Variants in MLIP observed in about 807,000 individuals in gnomAD.
MLIP encodes the protein muscular LMNA interacting protein.
A neutral mutation model predicts 84.8 loss-of-function variants in MLIP; 79 were observed. That is an observed-to-expected ratio of 0.93 (90% confidence interval 0.78 to 1.12). The LOEUF (loss-of-function observed/expected upper bound fraction) is 1.12, where lower values mean the gene tolerates loss of function less well. Among genes scored for constraint, MLIP ranks in the 50% most tolerant of loss-of-function variants. The pLI, the probability that MLIP is intolerant of heterozygous loss-of-function variation, is 0.00. For synonymous variants in MLIP, 504 were observed against 463.0 expected (o/e 1.09, Z -1.14); for missense variants, 1,257 against 1,160.6 (o/e 1.08, Z -1.21).
At chr6:54,023,170 AAATAAT>A (rs3064622) in intron 1 of MLIP, among the ~76,000 whole-genome samples, 5 of 103,080 alleles carry the variant, frequency 4.9e-5, no homozygotes, top group East Asian at 2.1e-4. Flanking sequence ...CCATCTCAAA[AAATAAT>A]AATAATAATA....
At chr6:54,251,967 T>A (rs1462630328) in intron 12 of MLIP, among the ~76,000 whole-genome samples, 1 of 75,374 alleles carries the variant, frequency 1.3e-5, no homozygotes, top group Non-Finnish European at 2.1e-5. Context: ...ATATATATAT[T>A]ATAACATAAT....
intron 1 of MLIP, among the ~76,000 whole-genome samples, chr6:54,033,200 C>T (rs1314076342): frequency 6.6e-6 from 1 of 151,860 alleles, no homozygotes; most frequent in Non-Finnish European, 1.5e-5. Flanking sequence ...AGGTAAAGTA[C>T]TTTGCGATCA....
At chr6:54,126,630 A>AATAAGATG (rs1770941326) in intron 3 of MLIP, among the ~76,000 whole-genome samples, 1 of 152,228 alleles carries the variant, frequency 6.6e-6, no homozygotes, top group Admixed American at 6.5e-5. Context: ...ATGAAATAAA[A>AATAAGATG]ATAAGATGAC....
chr6:54,117,984 A>G (rs1362393203), intron 1 of MLIP, among the ~76,000 whole-genome samples: 2 of 152,020 alleles, frequency 1.3e-5, no homozygotes, highest in Non-Finnish European at 2.9e-5. Flanking sequence ...AACAACAACA[A>G]CAACAACAAC....
chr6:54,226,745 T>C (rs1780602401), intron 11 of MLIP, among the ~76,000 whole-genome samples: 1 of 152,010 alleles, frequency 6.6e-6, no homozygotes, highest in South Asian at 2.1e-4. Flanking sequence ...AGTGCCTCTA[T>C]AAAATCGGAA....
chr6:54,193,035 A>G (rs1433327979), intron 10 of MLIP, among the ~76,000 whole-genome samples: 1 of 152,136 alleles, frequency 6.6e-6, no homozygotes, highest in Non-Finnish European at 1.5e-5. Context: ...TTTTATTGCA[A>G]GTGTGCCAAT....
chr6:54,174,568 A>T (rs941670212), intron 9 of MLIP, among the ~76,000 whole-genome samples: 3 of 151,842 alleles, frequency 2.0e-5, no homozygotes, highest in Non-Finnish European at 2.9e-5. Context: ...TATCTATTGA[A>T]ATCTTTTGCC....
At chr6:54,210,067 G>A (rs2150738256) in intron 11 of MLIP, among the ~76,000 whole-genome samples, 1 of 152,256 alleles carries the variant, frequency 6.6e-6, no homozygotes, top group South Asian at 2.1e-4. Context: ...GTGTCAGGAA[G>A]AAATTAATTT....
intron 11 of MLIP, chr6:54,216,818 T>C (rs72964036): frequency 5.1e-6 from 5 of 985,202 alleles, no homozygotes; most frequent in Admixed American, 6.1e-5. Context: ...ATTGGCTTTA[T>C]CTTAGTGAAA....
intron 1 of MLIP, among the ~76,000 whole-genome samples, chr6:54,050,813 AG>A (rs1419901952): frequency 1.3e-5 from 2 of 152,162 alleles, no homozygotes; most frequent in African/African-American, 4.8e-5. Context: ...GAATTCTGAA[AG>A]GCTATTAAAG....
At chr6:54,105,883 T>C (rs1056638591) in intron 1 of MLIP, among the ~76,000 whole-genome samples, 1 of 152,064 alleles carries the variant, frequency 6.6e-6, no homozygotes, top group African/African-American at 2.4e-5. Flanking sequence ...AGGTGTAAGA[T>C]CATTGGGCTA....
intron 3 of MLIP, among the ~76,000 whole-genome samples, chr6:54,125,792 G>A (rs1203698712): frequency 6.6e-6 from 1 of 152,080 alleles, no homozygotes; most frequent in Non-Finnish European, 1.5e-5. Context: ...ACCCAAAGTA[G>A]TTTAAAGGAC....
chr6:54,144,805 A>G (rs1772635466), intron 4 of MLIP, among the ~76,000 whole-genome samples: 1 of 152,314 alleles, frequency 6.6e-6, no homozygotes, highest in Admixed American at 6.5e-5. Flanking sequence ...TTGTGACCTC[A>G]TGGATCTTTA....
In MLIP at chr6:54,258,342, T is replaced by C. The variant is rs1783156925; in HGVS notation, c.2976+981T>C. Among the ~76,000 whole-genome samples, 3 of 152,108 alleles carry C rather than the reference T, an allele frequency of 2.0e-5. No individual in the cohort carries two copies. In the South Asian group the frequency reaches 6.2e-4, roughly 31 times the overall value. ...TACATTTCCTAAACTGGCATCCCTA[T>C]TTCTGCAAATTTAAAAAGCTCTGTC... On this transcript the variant is annotated intron_variant, in intron 13 of 13. Transcript: ENST00000502396.
chr6:54,263,309 T>TA lies in MLIP; in HGVS notation c.2977-2640dup, dbSNP rs954497590. 5.3e-4 allele frequency among the ~76,000 whole-genome samples: 81 copies of TA among 152,058 alleles called. 1 individual carries two copies. The highest frequency in any genetic ancestry group is 2.6e-4 in the Admixed American group (4 of 15,234). The stretch of plus-strand genomic sequence containing the variant: ...CATCCTTTATCTATGAGGCTGCCTT[T>TA]ATAGGACCTTAATTACTGAACGTTT... On this transcript the variant is annotated intron_variant, in intron 13 of 13. Coordinates refer to ENST00000502396, the MANE Select transcript of MLIP (RefSeq NM_001281747.2).
chr6:54,194,000 C>T (rs1342343691), intron 10 of MLIP, among the ~76,000 whole-genome samples: 1 of 151,998 alleles, frequency 6.6e-6, no homozygotes, highest in East Asian at 1.9e-4. Flanking sequence ...AATTTCATGC[C>T]GTTACAAAAT....
chr6:54,162,438 A>G (rs114074596), intron 8 of MLIP, among the ~76,000 whole-genome samples: 27 of 152,142 alleles, frequency 1.8e-4, no homozygotes, highest in African/African-American at 6.3e-4. Flanking sequence ...CTTATTTGCC[A>G]TGGCATGAAG....
chr6:54,199,313 A>G (rs1778512891), intron 10 of MLIP, among the ~76,000 whole-genome samples: 1 of 152,156 alleles, frequency 6.6e-6, no homozygotes, highest in Admixed American at 6.6e-5. Context: ...TTAAACCTTA[A>G]CATATTAACT....
intron 12 of MLIP, among the ~76,000 whole-genome samples, chr6:54,241,696 A>G (rs1431876532): frequency 6.6e-6 from 1 of 152,180 alleles, no homozygotes; most frequent in Non-Finnish European, 1.5e-5. Flanking sequence ...GCATTTACTT[A>G]TAATACATTT....
Sources: allele counts gnomAD v4.1 joint callset (sites outside exome capture counted in the v4.1 genomes callset), GRCh38; gene constraint gnomAD v4.1.1; transcripts MANE v1.5; gene names NCBI Gene and HGNC (gene_info 2026-07-23, HGNC 2026-07-21).